The following SGCD variants were observed in gnomAD, a reference collection of about 807,000 sequenced individuals.
The protein encoded by SGCD is delta-sarcoglycan.
A neutral mutation model predicts 36.6 loss-of-function variants in SGCD; 18 were observed. The ratio of observed to expected loss-of-function variants is 0.49; its 90% CI spans 0.34 to 0.73. The LOEUF is 0.73. Among genes scored for constraint, SGCD ranks in the 30% least tolerant of loss-of-function variants. The pLI is 0.01. For missense variants in SGCD, 387 were observed against 346.7 expected, an observed-to-expected ratio of 1.12 and a Z score of -0.92; for synonymous variants, 133 against 130.6, an observed-to-expected ratio of 1.02 and a Z score of -0.12.
the SGCD span, among the ~76,000 whole-genome samples, chr5:155,797,438 T>G: frequency 2.6e-5 from 4 of 152,230 alleles, no homozygotes; most frequent in Non-Finnish European, 4.4e-5. Flanking sequence ...GAAAACTATT[T>G]TATTATATGC....
intron 4 of SGCD, among the ~76,000 whole-genome samples, chr5:156,527,695 T>G (rs1444844011): frequency 1.3e-5 from 2 of 152,220 alleles, no homozygotes; most frequent in Non-Finnish European, 2.9e-5. Context: ...TCATGAAATA[T>G]TTTTAAGCCT....
chr5:156,069,682 G>C lies in SGCD; in HGVS notation c.-281-48196G>C, dbSNP rs184164139. Among the ~76,000 whole-genome samples the C allele has an allele frequency of 1.9e-3, 286 of 151,396 alleles. 4 individuals are homozygous for C. The highest frequency in any genetic ancestry group is 6.6e-3 in the African/African-American group (269 of 40,720). On this transcript the variant is annotated intron_variant, in intron 1 of 9. Coordinates refer to the SGCD transcript ENST00000517913. ...GAAGAAAGTCATTGGTAGCTTGATG[G>C]GGATGGCATTGAATCTATAAATTCC...
At chr5:156,165,885 T>C (rs2127620003) in intron 3 of SGCD, among the ~76,000 whole-genome samples, 1 of 152,370 alleles carries the variant, frequency 6.6e-6, no homozygotes, top group Non-Finnish European at 1.5e-5. Context: ...ATCTGAAGAA[T>C]TGTAGACTAG....
At chr5:156,261,522 A>G (rs1765865068) in intron 3 of SGCD, among the ~76,000 whole-genome samples, 1 of 152,210 alleles carries the variant, frequency 6.6e-6, no homozygotes, top group Non-Finnish European at 1.5e-5. Flanking sequence ...GAATGCTGGT[A>G]TGAGCAAACC....
chr5:155,872,732 G>C (rs1263619147), intron 1 of SGCD, among the ~76,000 whole-genome samples: 1 of 152,126 alleles, frequency 6.6e-6, no homozygotes, highest in Non-Finnish European at 1.5e-5. Flanking sequence ...TGACATAGCT[G>C]TGAAATACTT....
chr5:156,181,590 G>C (rs1763608411), intron 3 of SGCD, among the ~76,000 whole-genome samples: 1 of 152,180 alleles, frequency 6.6e-6, no homozygotes, highest in African/African-American at 2.4e-5. Context: ...GCGATGTACA[G>C]TAAACAAGGC....
intron 1 of SGCD, among the ~76,000 whole-genome samples, chr5:156,081,135 G>A (rs551917850): frequency 1.3e-5 from 2 of 152,286 alleles, no homozygotes; most frequent in South Asian, 2.1e-4. Context: ...ATGGTGGAAG[G>A]TAAAGAGGGA....
intron 1 of SGCD, among the ~76,000 whole-genome samples, chr5:156,034,919 G>A (rs1759450688): frequency 6.6e-6 from 1 of 152,152 alleles, no homozygotes; most frequent in African/African-American, 2.4e-5. Flanking sequence ...TTAGCATATT[G>A]TAAGTGCTTA....
In SGCD at chr5:156,088,301, A is replaced by G. The variant is rs76548144; in HGVS notation, c.-281-29577A>G. On this transcript the variant is annotated intron_variant, in intron 1 of 9. Transcript: ENST00000517913. ...GTGTGGTTACTGTTTCTTGTGTTAC[A>G]TTTATCGAGAAAGGCTTCCCAAGTC... Among the ~76,000 whole-genome samples the G allele has an allele frequency of 5.9e-5, 9 of 152,100 alleles. No individual in the cohort carries two copies. The East Asian group carries it at 1.4e-3, about 23-fold the overall frequency.
intron 1 of SGCD, among the ~76,000 whole-genome samples, chr5:155,993,296 C>T (rs1758473233): frequency 6.8e-6 from 1 of 146,282 alleles, no homozygotes; most frequent in Non-Finnish European, 1.5e-5. Flanking sequence ...ATTCCCATGT[C>T]TATGTGTTTT....
rs138701841 is a variant in SGCD, at chr5:156,743,041, C to T, written c.576-14540C>T. Among the ~76,000 whole-genome samples, 256 of 151,830 alleles carry T rather than the reference C, an allele frequency of 1.7e-3. 1 individual carries two copies. The highest frequency in any genetic ancestry group is 5.9e-3 in the African/African-American group (244 of 41,442). On this transcript the variant is annotated intron_variant, in intron 7 of 8. Transcript: ENST00000337851. ...TAACCATCACAGGAATATTTTTTGC[C>T]CGCTTATACCACCAATCCATTTAAA...
chr5:156,494,750 TCTC>T (rs1327193862), intron 3 of SGCD, among the ~76,000 whole-genome samples: 2 of 152,122 alleles, frequency 1.3e-5, no homozygotes, highest in Non-Finnish European at 2.9e-5. Flanking sequence ...TCTGAATTCA[TCTC>T]CTATTCCTCC....
chr5:156,314,370 A>T (rs967023521), intron 3 of SGCD, among the ~76,000 whole-genome samples: 1 of 152,098 alleles, frequency 6.6e-6, no homozygotes, highest in African/African-American at 2.4e-5. Context: ...GGCATAAAGT[A>T]AATACAAAAT....
intron 1 of SGCD, among the ~76,000 whole-genome samples, chr5:156,112,664 C>T (rs1431039341): frequency 6.6e-6 from 1 of 152,124 alleles, no homozygotes; most frequent in Non-Finnish European, 1.5e-5. Context: ...TAATATTATG[C>T]CCCTTCTACA....
intron 3 of SGCD, among the ~76,000 whole-genome samples, chr5:156,261,939 G>A (rs1212125992): frequency 8.5e-5 from 13 of 152,090 alleles, no homozygotes; most frequent in Non-Finnish European, 4.4e-5. Context: ...AATATTTGTG[G>A]TATACAGCTG....
intron 3 of SGCD, among the ~76,000 whole-genome samples, chr5:156,487,257 C>G (rs777921382): frequency 6.4e-4 from 98 of 152,278 alleles, no homozygotes; most frequent in Middle Eastern, 3.4e-3. Context: ...CTAATTAAAA[C>G]TGAAGAAATC....
intron 3 of SGCD, among the ~76,000 whole-genome samples, chr5:156,197,396 T>A (rs1055930318): frequency 6.6e-6 from 1 of 151,894 alleles, no homozygotes; most frequent in Non-Finnish European, 1.5e-5. Flanking sequence ...GTTAATTTTT[T>A]AAAAAGCATA....
intron 7 of SGCD, among the ~76,000 whole-genome samples, chr5:156,742,701 T>C (rs931119384): frequency 6.6e-6 from 1 of 152,184 alleles, no homozygotes; most frequent in Admixed American, 6.5e-5. Context: ...GGAGAGCTGA[T>C]GGTGTTGTTC....
intron 6 of SGCD, among the ~76,000 whole-genome samples, chr5:156,617,548 G>A (rs1762062955): frequency 6.6e-6 from 1 of 152,174 alleles, no homozygotes. Flanking sequence ...GATGTACTAG[G>A]TCTTGGAGTT....
Sources: gnomAD v4.1 joint callset for allele counts (sites outside exome capture counted in the v4.1 genomes callset) on GRCh38, gnomAD v4.1.1 for gene constraint, MANE v1.5 for transcripts, NCBI Gene and HGNC (gene_info 2026-07-23, HGNC 2026-07-21) for gene names.